Variants in AMOTL1 observed in about 807,000 individuals in gnomAD.
AMOTL1 encodes the protein angiomotin like 1.
Under a neutral mutation model 102.9 loss-of-function variants are expected in AMOTL1, and 45 were observed. That is an observed-to-expected ratio of 0.44 (90% CI 0.34 to 0.56). AMOTL1 has a LOEUF of 0.56. AMOTL1 is among the 20% of genes least tolerant of loss of function. The probability of loss-of-function intolerance (pLI) is 0.01; values close to 1 mark genes in which losing one functional copy is unlikely to be tolerated. For synonymous variants in AMOTL1, 481 were observed against 484.7 expected (o/e 0.99, Z 0.10); for missense variants, 1,114 against 1,225.6 (o/e 0.91, Z 1.36).
rs564375614 is a variant in AMOTL1, at chr11:94,870,407, C to T, written c.2765-282C>T. On this transcript the variant is annotated intron_variant, in intron 12 of 12. Transcript: ENST00000433060. ...AAAAGTGCCTAGCTCAGAATATGCA[C>T]CTGATAGTTTTGAGTAGAGGGTGTG... Among the ~76,000 whole-genome samples, 3 of 152,302 alleles carry T rather than the reference C, an allele frequency of 2.0e-5. No homozygotes were observed. The East Asian group carries it at 5.8e-4, about 29-fold the overall frequency.
intron 5 of AMOTL1, 67 bp downstream of exon 5, chr11:94,830,261 T>G (rs1952045616): frequency 6.9e-7 from 1 of 1,452,212 alleles, no homozygotes; most frequent in South Asian, 1.5e-5. Context: ...AAAGCACGAC[T>G]TCAAGGCCAG....
chr11:94,740,707 T>A (rs541849047), intron 2 of AMOTL1, among the ~76,000 whole-genome samples: 1 of 152,006 alleles, frequency 6.6e-6, no homozygotes, highest in South Asian at 2.1e-4. Context: ...TGACCGCGCC[T>A]GGAAGCCGCG....
intron 1 of AMOTL1, among the ~76,000 whole-genome samples, chr11:94,718,892 G>A (rs1187787741): frequency 1.3e-5 from 2 of 150,636 alleles, no homozygotes; most frequent in Non-Finnish European, 3.0e-5. Flanking sequence ...ATTTGATGTA[G>A]CCTAATCTGT....
intron 9 of AMOTL1, among the ~76,000 whole-genome samples, chr11:94,863,891 C>G (rs566660769): frequency 1.2e-4 from 18 of 152,310 alleles, no homozygotes; most frequent in African/African-American, 3.8e-4. Context: ...CGTGTCTGCC[C>G]TTGCCCTCAC....
intron 11 of AMOTL1, among the ~76,000 whole-genome samples, chr11:94,867,474 G>C (rs117433230): frequency 6.6e-6 from 1 of 152,166 alleles, no homozygotes; most frequent in South Asian, 2.1e-4. Flanking sequence ...GTCTGTGCCC[G>C]TATGCCCCAG....
At chr11:94,828,876 G>A (rs1300845379) in intron 4 of AMOTL1, among the ~76,000 whole-genome samples, 1 of 152,104 alleles carries the variant, frequency 6.6e-6, no homozygotes, top group Non-Finnish European at 1.5e-5. Flanking sequence ...AACCCCATCA[G>A]CTTTGCCTTT....
chr11:94,792,587 G>C (rs1951303894), intron 1 of AMOTL1, among the ~76,000 whole-genome samples: 1 of 152,218 alleles, frequency 6.6e-6, no homozygotes. Flanking sequence ...TGCTGGGTCT[G>C]TTGTCATCTG....
chr11:94,744,469 A>C (rs1485272722), intron 3 of AMOTL1, among the ~76,000 whole-genome samples: 1 of 152,092 alleles, frequency 6.6e-6, no homozygotes, highest in Non-Finnish European at 1.5e-5. Flanking sequence ...GTTTTTATGG[A>C]TGTTCCATTA....
At chr11:94,865,868 C>T in intron 10 of AMOTL1, 74 bp from the exon 11 acceptor site, 1 of 1,293,168 alleles carries the variant, frequency 7.7e-7, no homozygotes, top group South Asian at 1.3e-5. Context: ...GTCTTTGGGA[C>T]AGCCTGAGAT....
chr11:94,716,712 T>G (rs1048270917), intron 1 of AMOTL1, among the ~76,000 whole-genome samples: 1 of 152,112 alleles, frequency 6.6e-6, no homozygotes, highest in Non-Finnish European at 1.5e-5. Flanking sequence ...CGCCTGAGGA[T>G]GGATTGGCCT....
At chr11:94,859,834 AT>A in intron 9 of AMOTL1, 119 bp downstream of exon 9, 1 of 1,144,206 alleles carries the variant, frequency 8.7e-7, no homozygotes, top group African/African-American at 1.5e-5. Context: ...GCTAAAAATT[AT>A]TTTTAAGTAG....
chr11:94,829,403 A>G (rs1045593003), intron 4 of AMOTL1, among the ~76,000 whole-genome samples: 6 of 151,972 alleles, frequency 3.9e-5, no homozygotes, highest in Admixed American at 1.3e-4. Flanking sequence ...TTGTATTTTT[A>G]GTAGAGGCAA....
upstream of AMOTL1, among the ~76,000 whole-genome samples, chr11:94,767,645 G>A (rs1307937027): frequency 6.6e-6 from 1 of 152,208 alleles, no homozygotes; most frequent in Admixed American, 6.5e-5. Flanking sequence ...GGGCTCCAGA[G>A]AGCCGCCAGT....
intron 2 of AMOTL1, among the ~76,000 whole-genome samples, chr11:94,795,478 A>G (rs1329786982): frequency 6.6e-6 from 1 of 151,998 alleles, no homozygotes; most frequent in African/African-American, 2.4e-5. Flanking sequence ...TCAGAATCTC[A>G]TTTCTTTTTT....
chr11:94,847,963 C>T (rs747426740), intron 6 of AMOTL1, among the ~76,000 whole-genome samples: 26 of 152,090 alleles, frequency 1.7e-4, no homozygotes, highest in Admixed American at 2.6e-4. Context: ...AAGAGAAGAA[C>T]TTTTATGCTT....
At chr11:94,810,291 G>A (rs1951650234) in intron 3 of AMOTL1, among the ~76,000 whole-genome samples, 1 of 152,124 alleles carries the variant, frequency 6.6e-6, no homozygotes, top group African/African-American at 2.4e-5. Flanking sequence ...TTTAGTCTCT[G>A]TCTTTTAACT....
intron 9 of AMOTL1, among the ~76,000 whole-genome samples, chr11:94,864,137 T>C (rs1952829357): frequency 6.6e-6 from 1 of 152,146 alleles, no homozygotes; most frequent in South Asian, 2.1e-4. Flanking sequence ...AATACTGAAG[T>C]AGGCATTCTA....
chr11:94,792,659 A>C (rs542358636), intron 1 of AMOTL1, among the ~76,000 whole-genome samples: 1 of 152,334 alleles, frequency 6.6e-6, no homozygotes, highest in Non-Finnish European at 1.5e-5. Context: ...AGTGTAACTC[A>C]GTGGACGTGC....
intron 9 of AMOTL1, among the ~76,000 whole-genome samples, chr11:94,863,094 T>C (rs927423833): frequency 6.6e-6 from 1 of 152,142 alleles, no homozygotes; most frequent in Non-Finnish European, 1.5e-5. Context: ...TTCTTGGAAA[T>C]GTCACCTAAC....
Sources: allele counts gnomAD v4.1 joint callset (sites outside exome capture counted in the v4.1 genomes callset), GRCh38; gene constraint gnomAD v4.1.1; transcripts MANE v1.5; gene names NCBI Gene and HGNC (gene_info 2026-07-23, HGNC 2026-07-21).